RAD51B: variants seen among roughly 807,000 people sequenced by gnomAD.
RAD51B encodes the protein RAD51 paralog B, also known as DNA repair protein RAD51 homolog 2.
A neutral mutation model predicts 42.2 loss-of-function variants in RAD51B; 38 were observed. The observed-to-expected ratio is 0.90, with a 90% CI of 0.70 to 1.18. The LOEUF is 1.18. Among genes scored for constraint, RAD51B ranks in the 50% most tolerant of loss-of-function variants. The pLI, the probability that RAD51B is intolerant of heterozygous loss-of-function variation, is 0.00. For missense variants in RAD51B, 373 were observed against 400.7 expected, an observed-to-expected ratio of 0.93 and a Z score of 0.59; for synonymous variants, 154 against 145.2, an observed-to-expected ratio of 1.06 and a Z score of -0.43.
At chr14:68,654,832 C>A (rs1892776731) in intron 11 of RAD51B, among the ~76,000 whole-genome samples, 1 of 152,176 alleles carries the variant, frequency 6.6e-6, no homozygotes, top group Non-Finnish European at 1.5e-5. Context: ...GCTCCAAGAA[C>A]CCGCTTTGGC....
intron 7 of RAD51B, among the ~76,000 whole-genome samples, chr14:68,133,900 C>T (rs967391260): frequency 2.6e-5 from 4 of 152,140 alleles, no homozygotes; most frequent in Non-Finnish European, 2.9e-5. Context: ...ACCCAGCCTT[C>T]CCCAGTGTTG....
chr14:68,528,841 G>T (rs1476076730), intron 10 of RAD51B, among the ~76,000 whole-genome samples: 1 of 152,204 alleles, frequency 6.6e-6, no homozygotes, highest in Admixed American at 6.5e-5. Flanking sequence ...CATTAATTTT[G>T]TGAGGTAGGT....
chr14:68,586,144 G>A (rs1890462009), intron 10 of RAD51B, among the ~76,000 whole-genome samples: 1 of 152,088 alleles, frequency 6.6e-6, no homozygotes, highest in Admixed American at 6.5e-5. Context: ...AGAACTCTCC[G>A]AGGCTGGCAC....
intron 7 of RAD51B, among the ~76,000 whole-genome samples, chr14:67,977,405 A>C (rs1420525287): frequency 6.6e-6 from 1 of 152,236 alleles, no homozygotes; most frequent in Non-Finnish European, 1.5e-5. Context: ...CTGTATGAAG[A>C]GATTAACTTT....
intron 7 of RAD51B, among the ~76,000 whole-genome samples, chr14:67,890,677 C>T (rs985476061): frequency 6.3e-5 from 9 of 142,416 alleles, no homozygotes; most frequent in Non-Finnish European, 1.2e-4. Flanking sequence ...TTTTCTGTTT[C>T]TCTGATTTCC....
chr14:68,353,989 G>A (rs1287232638), intron 8 of RAD51B, among the ~76,000 whole-genome samples: 9 of 152,184 alleles, frequency 5.9e-5, no homozygotes, highest in Admixed American at 5.9e-4. Flanking sequence ...AGGCAAGCAA[G>A]CATATGATCC....
In RAD51B at chr14:68,032,613, T is replaced by A. The variant is rs375218488; in HGVS notation, c.756+145409T>A. On this transcript the variant is annotated intron_variant, in intron 7 of 10. Coordinates refer to ENST00000471583, the MANE Select transcript of RAD51B (RefSeq NM_133510.4). ...CCTAAATTTTTCTACATCTCTTCTT[T>A]GGGTGCTACCATTTCAGTCCAAGGC... 5.3e-5 allele frequency among the ~76,000 whole-genome samples: 8 copies of A among 152,314 alleles called. No homozygotes were observed. The South Asian group carries it at 1.0e-3, about 20-fold the overall frequency.
intron 10 of RAD51B, among the ~76,000 whole-genome samples, chr14:68,474,012 T>C (rs1245791099): frequency 6.6e-6 from 1 of 152,198 alleles, no homozygotes; most frequent in East Asian, 1.9e-4. Context: ...GATACACAGG[T>C]CACATGATAC....
At position 68,249,540 on chromosome 14, in the gene RAD51B, A is replaced by G. The variant is rs193095820; in HGVS notation, c.757-42344A>G. 4.6e-5 allele frequency among the ~76,000 whole-genome samples: 7 copies of G among 152,316 alleles called. No homozygotes were observed. In the East Asian group the frequency reaches 1.2e-3, roughly 25 times the overall value. On this transcript the variant is annotated intron_variant, in intron 7 of 10. Coordinates refer to ENST00000471583, the MANE Select transcript of RAD51B (RefSeq NM_133510.4). ...TGAATTGTAAATGTTTTAATCTACA[A>G]AAAAAAGTACTTAAATCTTGACTTT...
chr14:68,300,394 G>A (rs1275903042), intron 8 of RAD51B, among the ~76,000 whole-genome samples: 1 of 151,898 alleles, frequency 6.6e-6, no homozygotes, highest in African/African-American at 2.4e-5. Context: ...TTGTTTTGTA[G>A]AGACAGGGTC....
chr14:67,874,175 G>A (rs1384579185), intron 5 of RAD51B, among the ~76,000 whole-genome samples: 1 of 152,008 alleles, frequency 6.6e-6, no homozygotes, highest in East Asian at 1.9e-4. Context: ...ACTTTGGAAA[G>A]GTCAGTTCTA....
intron 7 of RAD51B, among the ~76,000 whole-genome samples, chr14:67,946,032 G>A (rs933553731): frequency 2.0e-5 from 3 of 152,138 alleles, no homozygotes; most frequent in Non-Finnish European, 4.4e-5. Context: ...AGGCATCTTA[G>A]AGGAAGGGCT....
chr14:68,571,187 G>C (rs1346054473), intron 10 of RAD51B, among the ~76,000 whole-genome samples: 1 of 152,198 alleles, frequency 6.6e-6, no homozygotes, highest in Non-Finnish European at 1.5e-5. Flanking sequence ...CAGGCTGAAG[G>C]CCTTGCATGC....
chr14:68,139,416 A>G (rs577714780), intron 7 of RAD51B, among the ~76,000 whole-genome samples: 1 of 152,328 alleles, frequency 6.6e-6, no homozygotes, highest in South Asian at 2.1e-4. Context: ...GTGTCTTTGT[A>G]TAAAATTGTT....
intron 7 of RAD51B, among the ~76,000 whole-genome samples, chr14:68,273,507 C>G (rs2081161185): frequency 6.6e-6 from 1 of 152,144 alleles, no homozygotes; most frequent in Admixed American, 6.5e-5. Flanking sequence ...TGGACAGTTG[C>G]TTGGTAAGTA....
At chr14:68,219,574 T>C (rs2079884206) in intron 7 of RAD51B, among the ~76,000 whole-genome samples, 1 of 152,040 alleles carries the variant, frequency 6.6e-6, no homozygotes, top group Non-Finnish European at 1.5e-5. Flanking sequence ...ACTAGATGGC[T>C]AGGCCCAGAA....
At chr14:67,905,368 G>T (rs2043748947) in intron 7 of RAD51B, among the ~76,000 whole-genome samples, 2 of 152,036 alleles carry the variant, frequency 1.3e-5, no homozygotes. Flanking sequence ...TTCTGGCTGT[G>T]TTATAATATT....
At chr14:68,379,944 T>C (rs1045024217) in intron 8 of RAD51B, among the ~76,000 whole-genome samples, 2 of 152,192 alleles carry the variant, frequency 1.3e-5, no homozygotes, top group African/African-American at 4.8e-5. Context: ...AAACATAGAG[T>C]GTGTACTCAC....
intron 7 of RAD51B, among the ~76,000 whole-genome samples, chr14:68,184,111 A>G (rs1328632913): frequency 8.0e-6 from 1 of 124,992 alleles, no homozygotes; most frequent in East Asian, 2.5e-4. Context: ...AAAAAAAAAA[A>G]ATTACCCGGG....
Sources: gnomAD v4.1 joint callset for allele counts (sites outside exome capture counted in the v4.1 genomes callset) on GRCh38, gnomAD v4.1.1 for gene constraint, MANE v1.5 for transcripts, NCBI Gene and HGNC (gene_info 2026-07-23, HGNC 2026-07-21) for gene names.